Variants in CPNE5 observed in about 807,000 individuals in gnomAD.
CPNE5 encodes copine 5.
Under a neutral mutation model 81.1 loss-of-function variants are expected in CPNE5, and 42 were observed. The ratio of observed to expected loss-of-function variants is 0.52; its 90% CI spans 0.40 to 0.67. The LOEUF (loss-of-function observed/expected upper bound fraction) is 0.67. Ranked by LOEUF, CPNE5 falls within the 30% of genes least tolerant of loss-of-function variation. CPNE5 has a pLI of 0.00. For missense variants in CPNE5, 612 were observed against 815.5 expected, an observed-to-expected ratio of 0.75 and a Z score of 3.04; for synonymous variants, 313 against 321.5, an observed-to-expected ratio of 0.97 and a Z score of 0.28.
chr6:36,790,460 T>C (rs965492082), intron 8 of CPNE5, among the ~76,000 whole-genome samples: 2 of 152,194 alleles, frequency 1.3e-5, no homozygotes, highest in African/African-American at 2.4e-5. Flanking sequence ...ACAGATTGAC[T>C]ACAGAAGCAG....
At chr6:36,743,825 G>A in intron 19 of CPNE5, 63 bp from the exon 20 acceptor site, 1 of 1,400,280 alleles carries the variant, frequency 7.1e-7, no homozygotes, top group Non-Finnish European at 1.0e-6. Flanking sequence ...GCCCTAGCAG[G>A]AGAGTGGACT....
intron 13 of CPNE5, among the ~76,000 whole-genome samples, chr6:36,753,804 T>C (rs1765100596): frequency 6.6e-6 from 1 of 152,220 alleles, no homozygotes; most frequent in South Asian, 2.1e-4. Context: ...ATCATAACAA[T>C]TTAGAATCAA....
rs1554201805 is a variant in CPNE5 at position 36,782,870 on chromosome 6, A to ACAC, written c.529-3914_529-3913insGTG. Among the ~76,000 whole-genome samples the ACAC allele has an allele frequency of 8.4e-5, 10 of 119,284 alleles. 1 individual carries two copies. In the East Asian group the frequency reaches 9.7e-4, roughly 12 times the overall value. The allele number at this position is 119,284 out of a possible 152,430, so 78.3% of individuals were successfully genotyped here. A position where few individuals can be genotyped will look rare whatever the true frequency, so the allele number is the denominator to read the frequency against. ...ACACACACACACACACACACACACAAAACGGCACAAAGGAGCCAAGGGCCA... is the reference window on the plus strand; with the variant it reads ...ACACACACACACACACACACACACAACACAACGGCACAAAGGAGCCAAGGGCCA... On this transcript the variant is annotated intron_variant, in intron 8 of 20. Transcript: ENST00000244751.
chr6:36,811,192 A>G (rs1026018900), intron 3 of CPNE5, among the ~76,000 whole-genome samples: 2 of 152,090 alleles, frequency 1.3e-5, no homozygotes, highest in African/African-American at 4.8e-5. Flanking sequence ...CTGACTGTAG[A>G]GGGTGGGGGG....
intron 8 of CPNE5, among the ~76,000 whole-genome samples, chr6:36,785,997 A>G (rs1181488137): frequency 7.3e-6 from 1 of 137,618 alleles, no homozygotes; most frequent in Non-Finnish European, 1.5e-5. Context: ...TGGGAGACAG[A>G]GCAAGACTCC....
At chr6:36,773,653 G>A (rs1767239513) in intron 10 of CPNE5, among the ~76,000 whole-genome samples, 1 of 152,200 alleles carries the variant, frequency 6.6e-6, no homozygotes, top group Non-Finnish European at 1.5e-5. Context: ...ATGCAGTCCT[G>A]TAGAGTAGGC....
chr6:36,826,133 T>C (rs1186232036), intron 1 of CPNE5, among the ~76,000 whole-genome samples: 1 of 152,192 alleles, frequency 6.6e-6, no homozygotes, highest in African/African-American at 2.4e-5. Flanking sequence ...TCAGCCTAGA[T>C]ACGTGTGTGT....
chr6:36,807,118 C>G (rs958587221), intron 3 of CPNE5, among the ~76,000 whole-genome samples: 2 of 152,176 alleles, frequency 1.3e-5, no homozygotes, highest in Non-Finnish European at 2.9e-5. Context: ...GGGAGAACAG[C>G]CAAGGTTTAT....
intron 12 of CPNE5, 111 bp downstream of exon 12, chr6:36,762,806 T>A: frequency 1.2e-6 from 1 of 862,400 alleles, no homozygotes; most frequent in South Asian, 1.5e-5. Flanking sequence ...CAATAACCCC[T>A]TTCTCACAGG....
At chr6:36,792,490 C>T in intron 7 of CPNE5, 1 of 892,120 alleles carries the variant, frequency 1.1e-6, no homozygotes, top group South Asian at 1.4e-5. Context: ...CACCTCACAC[C>T]CAGCTGACCC....
intron 14 of CPNE5, among the ~76,000 whole-genome samples, chr6:36,749,015 C>CAGCCTCAACCTCCTGGGCTCA (rs1764503240): frequency 6.6e-6 from 1 of 152,182 alleles, no homozygotes; most frequent in African/African-American, 2.4e-5. Flanking sequence ...CAGCTCACTT[C>CAGCCTCAACCTCCTGGGCTCA]AGCCTCAACC....
intron 8 of CPNE5, among the ~76,000 whole-genome samples, chr6:36,787,625 T>G (rs236410): frequency 0.67 from 101,816 of 152,038 alleles, 34,786 homozygotes; most frequent in East Asian, 0.97. Context: ...CCATCTCTCA[T>G]ACTAAATTAA....
chr6:36,822,885 T>C (rs1318560792), intron 2 of CPNE5, among the ~76,000 whole-genome samples, 173 bp downstream of exon 2: 1 of 152,078 alleles, frequency 6.6e-6, no homozygotes, highest in African/African-American at 2.4e-5. Context: ...AAGGGTCAAA[T>C]CTCCGCAATT....
At position 36,774,952 on chromosome 6, in the gene CPNE5, T is replaced by C. The variant is rs1227795889; in HGVS notation, c.737+9A>G. ...GAAGGAAAAAAGAAGGGACATTTTC[T>C]CATCTCACCGATCGTAGTCGCCGTT... On this transcript the variant is annotated intron_variant, in intron 10 of 20. Transcript: ENST00000244751. The C allele has an allele frequency of 6.2e-7, 1 of 1,607,786 alleles. No individual in the cohort carries two copies. The highest frequency in any genetic ancestry group is 1.7e-5 in the Admixed American group (1 of 60,002).
chr6:36,775,094 G>C lies in CPNE5; in HGVS notation c.633-29C>G, dbSNP rs772627567. 4 of 1,580,214 alleles carry C rather than the reference G, an allele frequency of 2.5e-6. No individual in the cohort carries two copies. In the East Asian group the frequency reaches 6.7e-5, roughly 27 times the overall value. On this transcript the variant is annotated intron_variant, in intron 9 of 20. Transcript: ENST00000244751. ...GTGAAGAAGAAGAGAGGGAAAGGCT[G>C]TCAGGCCCAAACCCAAGGGAGGCGA...
intron 4 of CPNE5, 99 bp from the exon 5 acceptor site, chr6:36,798,593 A>T (rs1769808434): frequency 2.1e-6 from 2 of 963,284 alleles, no homozygotes; most frequent in East Asian, 2.5e-5. Flanking sequence ...CCCCCAAAAA[A>T]CAGGTCCCAA....
intron 10 of CPNE5, among the ~76,000 whole-genome samples, chr6:36,771,608 G>T (rs750564206): frequency 6.6e-6 from 1 of 152,186 alleles, no homozygotes; most frequent in Non-Finnish European, 1.5e-5. Flanking sequence ...TGGGTCAATA[G>T]GCCCCCACAG....
Position 36,827,535 on chromosome 6 carries a change from A to G in CPNE5, c.96-4437T>C, listed in dbSNP as rs1443546552. ...TGTCTCTGATGGCAGCCGTCCAAAT[A>G]CCACATGTTGAGACACCGTCTCTTA... On this transcript the variant is annotated intron_variant, in intron 1 of 20. Coordinates refer to ENST00000244751, the MANE Select transcript of CPNE5 (RefSeq NM_020939.2). 3 of 985,350 alleles carry G rather than the reference A, an allele frequency of 3.0e-6. No individual in the cohort carries two copies. The East Asian group carries it at 3.4e-4, about 112-fold the overall frequency. The allele number at this position is 985,350 out of a possible 1,614,324, so 61.0% of individuals were successfully genotyped here.
At chr6:36,756,092 T>TG in intron 13 of CPNE5, 153 bp downstream of exon 13, 4 of 613,594 alleles carry the variant, frequency 6.5e-6, no homozygotes, top group East Asian at 5.8e-5. Flanking sequence ...TTGCTCCATC[T>TG]GCCCCACCCC....
Sources: gnomAD v4.1 joint callset for allele counts (sites outside exome capture counted in the v4.1 genomes callset) on GRCh38, gnomAD v4.1.1 for gene constraint, MANE v1.5 for transcripts, NCBI Gene and HGNC (gene_info 2026-07-23, HGNC 2026-07-21) for gene names.